The following CCDC102B variants were observed in gnomAD, a reference collection of about 807,000 sequenced individuals.
CCDC102B encodes coiled-coil domain-containing protein 102B.
In CCDC102B, 75 loss-of-function variants were observed where a neutral mutation model predicts 57.4. The observed-to-expected ratio is 1.31, with a 90% CI of 1.08 to 1.58. The LOEUF is 1.58. Among genes scored for constraint, CCDC102B ranks in the 40% most tolerant of loss-of-function variants. The pLI, the probability that CCDC102B is intolerant of heterozygous loss-of-function variation, is 0.00. For missense variants in CCDC102B, 636 were observed against 582.6 expected, an observed-to-expected ratio of 1.09 and a Z score of -0.94; for synonymous variants, 206 against 201.9, an observed-to-expected ratio of 1.02 and a Z score of -0.17.
At chr18:68,935,322 G>C (rs2049202050) in intron 6 of CCDC102B, among the ~76,000 whole-genome samples, 1 of 151,980 alleles carries the variant, frequency 6.6e-6, no homozygotes, top group Admixed American at 6.6e-5. Context: ...TGATGGATGA[G>C]AGAGAACGTG....
intron 6 of CCDC102B, among the ~76,000 whole-genome samples, chr18:68,923,527 A>G (rs1362867623): frequency 1.3e-5 from 2 of 152,050 alleles, no homozygotes; most frequent in Non-Finnish European, 2.9e-5. Flanking sequence ...TGGTGTGAAT[A>G]TGACATCATA....
chr18:69,006,266 A>C (rs576714866), intron 6 of CCDC102B, among the ~76,000 whole-genome samples: 1 of 152,208 alleles, frequency 6.6e-6, no homozygotes, highest in Non-Finnish European at 1.5e-5. Flanking sequence ...GTATGATCCT[A>C]TATACCTTCA....
At chr18:68,765,316 G>GAAAGAAAAGAAA (rs1568238645) in intron 2 of CCDC102B, among the ~76,000 whole-genome samples, 1 of 36,524 alleles carries the variant, frequency 2.7e-5, no homozygotes, top group African/African-American at 9.9e-5. Context: ...AAGGAAGGAA[G>GAAAGAAAAGAAA]GAAGGAAGGA....
chr18:69,022,193 CTATATATATATATATA>C (rs57226048), intron 7 of CCDC102B, among the ~76,000 whole-genome samples: 82 of 141,520 alleles, frequency 5.8e-4, no homozygotes, highest in Non-Finnish European at 4.9e-4. Flanking sequence ...ATCCTTTAGC[CTATATATATATATATA>C]TATATATATA....
intron 4 of CCDC102B, among the ~76,000 whole-genome samples, chr18:68,851,939 A>T (rs2144837669): frequency 6.6e-6 from 1 of 152,288 alleles, no homozygotes; most frequent in Admixed American, 6.5e-5. Flanking sequence ...AATGTTCATA[A>T]ATCCAAAGCT....
intron 6 of CCDC102B, chr18:68,900,051 T>C (rs2040386506): frequency 6.6e-6 from 1 of 152,146 alleles, no homozygotes; most frequent in Admixed American, 6.6e-5. Flanking sequence ...GTGGTATCTA[T>C]ATTTAAAGCA....
At chr18:68,775,196 T>C (rs1297202205) in intron 2 of CCDC102B, among the ~76,000 whole-genome samples, 1 of 151,908 alleles carries the variant, frequency 6.6e-6, no homozygotes, top group African/African-American at 2.4e-5. Flanking sequence ...ACATAGACTT[T>C]TAAAATAATT....
chr18:68,805,418 A>G (rs772320907), intron 1 of CCDC102B, among the ~76,000 whole-genome samples: 5 of 152,294 alleles, frequency 3.3e-5, no homozygotes, highest in Non-Finnish European at 5.9e-5. Context: ...AGGTGCAGAC[A>G]TGGAGCAGGA....
intron 6 of CCDC102B, among the ~76,000 whole-genome samples, chr18:68,904,750 T>A (rs2040566477): frequency 1.3e-5 from 2 of 152,300 alleles, no homozygotes; most frequent in Admixed American, 1.3e-4. Context: ...GGAGATTTAT[T>A]CTTTTCCCTG....
chr18:68,916,910 C>T (rs1328906535), intron 6 of CCDC102B, among the ~76,000 whole-genome samples: 1 of 152,134 alleles, frequency 6.6e-6, no homozygotes, highest in Non-Finnish European at 1.5e-5. Flanking sequence ...GGACAGGAGC[C>T]CTGTGTGGCT....
intron 6 of CCDC102B, among the ~76,000 whole-genome samples, chr18:68,911,193 C>T (rs1453966557): frequency 2.0e-5 from 3 of 152,120 alleles, no homozygotes; most frequent in African/African-American, 7.2e-5. Flanking sequence ...CCTAAATGCC[C>T]ATCAACAGTA....
At chr18:68,750,963 A>C (rs186264717) in intron 2 of CCDC102B, among the ~76,000 whole-genome samples, 2 of 151,934 alleles carry the variant, frequency 1.3e-5, no homozygotes, top group Non-Finnish European at 2.9e-5. Flanking sequence ...ATAAAAAAAA[A>C]CAAAAACAAA....
intron 1 of CCDC102B, among the ~76,000 whole-genome samples, chr18:68,808,464 A>G (rs1244129684): frequency 7.6e-6 from 1 of 131,486 alleles, no homozygotes; most frequent in Non-Finnish European, 1.6e-5. Flanking sequence ...CATTGCTTTT[A>G]CTACTTTTTT....
intron 2 of CCDC102B, among the ~76,000 whole-genome samples, chr18:68,727,246 G>T (rs891619944): frequency 6.6e-6 from 1 of 152,138 alleles, no homozygotes; most frequent in African/African-American, 2.4e-5. Context: ...ACTGACTCCA[G>T]TCTCTGGCTA....
intron 2 of CCDC102B, among the ~76,000 whole-genome samples, chr18:68,743,010 T>G (rs1334797537): frequency 2.6e-5 from 4 of 152,078 alleles, no homozygotes; most frequent in African/African-American, 9.7e-5. Flanking sequence ...AATTTTTAAC[T>G]TATGAATTTC....
intron 6 of CCDC102B, among the ~76,000 whole-genome samples, chr18:68,908,770 T>G (rs1328859407): frequency 6.6e-6 from 1 of 152,176 alleles, no homozygotes; most frequent in Non-Finnish European, 1.5e-5. Context: ...AATACTGTAG[T>G]AAGTGATAAA....
At chr18:68,947,040 C>T (rs988372794) in intron 6 of CCDC102B, among the ~76,000 whole-genome samples, 6 of 151,806 alleles carry the variant, frequency 4.0e-5, no homozygotes, top group South Asian at 2.1e-4. Context: ...AAAATCACAG[C>T]GTTATATAGT....
intron 2 of CCDC102B, among the ~76,000 whole-genome samples, chr18:68,731,663 T>A (rs1303534726): frequency 6.6e-6 from 1 of 150,626 alleles, no homozygotes; most frequent in East Asian, 2.0e-4. Flanking sequence ...TGTATATGTA[T>A]GTATACATAT....
intron 2 of CCDC102B, among the ~76,000 whole-genome samples, chr18:68,782,593 T>C (rs1686229246): frequency 6.6e-6 from 1 of 151,790 alleles, no homozygotes; most frequent in African/African-American, 2.4e-5. Flanking sequence ...TTTTTCGATC[T>C]GGATCAGGGG....
Sources: gnomAD v4.1 joint callset for allele counts (sites outside exome capture counted in the v4.1 genomes callset) on GRCh38, gnomAD v4.1.1 for gene constraint, MANE v1.5 for transcripts, NCBI Gene and HGNC (gene_info 2026-07-23, HGNC 2026-07-21) for gene names.